Variants in MCPH1 observed in about 807,000 individuals in gnomAD.
The protein encoded by MCPH1 is microcephalin 1, also known as microcephalin.
Under a neutral mutation model 84.5 loss-of-function variants are expected in MCPH1, and 104 were observed. The observed-to-expected ratio is 1.23, with a 90% CI of 1.05 to 1.45. The LOEUF is 1.45. Among genes scored for constraint, MCPH1 ranks in the 40% most tolerant of loss-of-function variants. The probability of loss-of-function intolerance (pLI) is 0.00; values close to 1 mark genes in which losing one functional copy is unlikely to be tolerated. For missense variants in MCPH1, 1,498 were observed against 1,005.7 expected (o/e 1.49, Z -6.62); for synonymous variants, 514 against 366.8 (o/e 1.40, Z -4.58).
At position 6,496,655 on chromosome 8, in the gene MCPH1, C is replaced by T. The variant is rs74343637; in HGVS notation, c.2137-3197C>T. ...GGGCGGTATGCTTGGATAAGGCTGG[C>T]TATTTAGAAATTTGGAATAAATGTA... On this transcript the variant is annotated intron_variant, in intron 11 of 13. Transcript: ENST00000344683. Among the ~76,000 whole-genome samples the T allele has an allele frequency of 7.5e-3, 1,146 of 152,026 alleles. 6 individuals are homozygous for T. Among genetic ancestry groups the T allele is most frequent in the Non-Finnish European group, 0.012 (850 of 68,012 alleles).
chr8:6,442,038 C>G (rs140161935), intron 6 of MCPH1, 29 bp from the exon 7 acceptor site: 2 of 1,480,738 alleles, frequency 1.4e-6, no homozygotes, highest in East Asian at 2.3e-5. Flanking sequence ...GAAACTTTAT[C>G]TAATGCAGTG....
chr8:6,481,015 G>A (rs185424487), intron 11 of MCPH1, 139 bp downstream of exon 11: 42 of 1,063,114 alleles, frequency 4.0e-5, no homozygotes, highest in Admixed American at 1.4e-4. Context: ...GGGAACACCC[G>A]TCTTTCCTCC....
intron 3 of MCPH1, among the ~76,000 whole-genome samples, chr8:6,419,454 G>C (rs571876887): frequency 6.6e-6 from 1 of 151,558 alleles, no homozygotes; most frequent in South Asian, 2.1e-4. Context: ...GTGCAGTGGC[G>C]CAATCTCGGC....
At chr8:6,601,711 C>CCACA (rs1281966632) in intron 12 of MCPH1, among the ~76,000 whole-genome samples, 1 of 143,274 alleles carries the variant, frequency 7.0e-6, no homozygotes, top group Non-Finnish European at 1.5e-5. Context: ...ACAACACACA[C>CCACA]CACACACACA....
intron 9 of MCPH1, among the ~76,000 whole-genome samples, chr8:6,458,364 C>T (rs1044800976): frequency 6.0e-5 from 9 of 151,024 alleles, no homozygotes; most frequent in African/African-American, 1.7e-4. Context: ...CCCAGCTCCT[C>T]GGAAGGCTGA....
At chr8:6,416,814 T>A (rs1342335310) in intron 3 of MCPH1, among the ~76,000 whole-genome samples, 1 of 84,750 alleles carries the variant, frequency 1.2e-5, no homozygotes, top group East Asian at 4.2e-4. Context: ...ATCAATATGG[T>A]AAAACCCTAT....
chr8:6,439,551 A>C (rs933659097), intron 6 of MCPH1, among the ~76,000 whole-genome samples: 1 of 150,016 alleles, frequency 6.7e-6, no homozygotes, highest in African/African-American at 2.5e-5. Context: ...CTCCTGGCTA[A>C]TTTTTTTTTG....
intron 12 of MCPH1, among the ~76,000 whole-genome samples, chr8:6,573,631 G>T (rs192322124): frequency 7.1e-6 from 1 of 141,512 alleles, no homozygotes; most frequent in African/African-American, 3.0e-5. Context: ...CCTACTTCAA[G>T]GCCTGAGTGG....
At chr8:6,480,120 CT>C (rs1049312007) in intron 10 of MCPH1, among the ~76,000 whole-genome samples, 52 of 149,372 alleles carry the variant, frequency 3.5e-4, no homozygotes, top group African/African-American at 1.2e-3. Flanking sequence ...TTTCTTTTTT[CT>C]TTTTTTCTTT....
chr8:6,605,543 A>G (rs1425236444), intron 12 of MCPH1, among the ~76,000 whole-genome samples: 1 of 152,236 alleles, frequency 6.6e-6, no homozygotes, highest in East Asian at 1.9e-4. Context: ...TTATGAAATA[A>G]CAATACTGTG....
chr8:6,633,203 G>A (rs771740590), intron 13 of MCPH1, among the ~76,000 whole-genome samples: 2 of 112,810 alleles, frequency 1.8e-5, no homozygotes, highest in African/African-American at 7.4e-5. Flanking sequence ...TCCTAGTCAA[G>A]GGAATAAAAT....
chr8:6,595,175 C>T (rs1284155250), intron 12 of MCPH1, among the ~76,000 whole-genome samples: 2 of 152,182 alleles, frequency 1.3e-5, no homozygotes, highest in Non-Finnish European at 2.9e-5. Context: ...ACCCACTCAG[C>T]TGCGAGGCAC....
intron 13 of MCPH1, chr8:6,625,623 G>C (rs536132798): frequency 1.0e-6 from 1 of 985,228 alleles, no homozygotes; most frequent in Non-Finnish European, 1.2e-6. Flanking sequence ...TGTAAGGTAG[G>C]GTCCCTGAGC....
intron 3 of MCPH1, among the ~76,000 whole-genome samples, chr8:6,415,696 T>C (rs1026308089): frequency 6.6e-6 from 1 of 152,144 alleles, no homozygotes; most frequent in African/African-American, 2.4e-5. Flanking sequence ...AGTTTTGAAA[T>C]TGGGAAGTAC....
At chr8:6,615,553 C>G (rs1269788731) in intron 12 of MCPH1, 1 of 152,210 alleles carries the variant, frequency 6.6e-6, no homozygotes, top group Non-Finnish European at 1.5e-5. Context: ...TCTTAGGAAG[C>G]ACAGGAAGGC....
chr8:6,434,618 C>G (rs996559783), intron 4 of MCPH1, among the ~76,000 whole-genome samples: 1 of 152,176 alleles, frequency 6.6e-6, no homozygotes, highest in African/African-American at 2.4e-5. Context: ...GCAAGACCAG[C>G]GCCTGACATA....
rs922230932 is a variant in MCPH1, at chr8:6,645,997, T to C, written c.*2948T>C. 1.3e-5 allele frequency: 2 copies of C among 152,250 alleles called. No homozygotes were observed. Among genetic ancestry groups the C allele is most frequent in the Admixed American group, 6.5e-5 (1 of 15,286 alleles). 9.4% of individuals were successfully genotyped at this position (152,250 alleles called of 1,614,324 possible). On this transcript the variant is annotated 3_prime_UTR_variant, in exon 14 of 14. Coordinates refer to ENST00000344683, the MANE Select transcript of MCPH1 (RefSeq NM_024596.5). ...CATTAAAATCTCAGATGGCTTTTTATAGAATTTGAAAAGCTGATGCTAAAT... is the reference window on the plus strand; with the variant it reads ...CATTAAAATCTCAGATGGCTTTTTACAGAATTTGAAAAGCTGATGCTAAAT...
chr8:6,466,819 G>A (rs533243910), intron 9 of MCPH1, among the ~76,000 whole-genome samples: 6 of 152,054 alleles, frequency 3.9e-5, no homozygotes, highest in South Asian at 2.1e-4. Context: ...CAAGTGTTCC[G>A]CCCACCTTGG....
intron 3 of MCPH1, among the ~76,000 whole-genome samples, chr8:6,421,042 C>T (rs1160375464): frequency 6.6e-6 from 1 of 152,186 alleles, no homozygotes; most frequent in South Asian, 2.1e-4. Context: ...TCGCCCTTTT[C>T]CGCAGTTCTT....
Sources: allele counts gnomAD v4.1 joint callset (sites outside exome capture counted in the v4.1 genomes callset), GRCh38; gene constraint gnomAD v4.1.1; transcripts MANE v1.5; gene names NCBI Gene and HGNC (gene_info 2026-07-23, HGNC 2026-07-21).